CFAP20DC: variants seen among roughly 807,000 people sequenced by gnomAD.
The protein encoded by CFAP20DC is CFAP20 domain containing.
Under a neutral mutation model 101.7 loss-of-function variants are expected in CFAP20DC, and 84 were observed. That is an observed-to-expected ratio of 0.83 (90% confidence interval 0.69 to 0.99). The LOEUF is 0.99. Ranked by LOEUF, CFAP20DC falls within the 50% of genes least tolerant of loss-of-function variation. The pLI, the probability that CFAP20DC is intolerant of heterozygous loss-of-function variation, is 0.00. For synonymous variants in CFAP20DC, 359 were observed against 351.2 expected (o/e 1.02, Z -0.25); for missense variants, 1,007 against 970.3 (o/e 1.04, Z -0.50).
At chr3:59,025,059 T>C (rs1455287076) in intron 4 of CFAP20DC, among the ~76,000 whole-genome samples, 8 of 152,168 alleles carry the variant, frequency 5.3e-5, no homozygotes, top group Admixed American at 2.6e-4. Context: ...TGGAAGTCTA[T>C]CTGTTATATC....
intron 15 of CFAP20DC, among the ~76,000 whole-genome samples, chr3:58,773,113 T>C (rs1321622949): frequency 6.6e-6 from 1 of 152,002 alleles, no homozygotes; most frequent in Non-Finnish European, 1.5e-5. Context: ...CAAAATATCT[T>C]TATAAAGTAT....
At chr3:58,735,473 C>T (rs1229044096) in intron 3 of CFAP20DC, among the ~76,000 whole-genome samples, 1 of 152,348 alleles carries the variant, frequency 6.6e-6, no homozygotes, top group Non-Finnish European at 1.5e-5. Context: ...TCAAACGTCA[C>T]TGCTACCATG....
At chr3:58,891,611 A>G (rs1363373552) in intron 6 of CFAP20DC, among the ~76,000 whole-genome samples, 1 of 151,982 alleles carries the variant, frequency 6.6e-6, no homozygotes, top group Non-Finnish European at 1.5e-5. Flanking sequence ...GCTTCTTTTG[A>G]GAAGTGTCTG....
At chr3:58,890,409 G>A (rs1395886875) in intron 6 of CFAP20DC, among the ~76,000 whole-genome samples, 10 of 121,192 alleles carry the variant, frequency 8.3e-5, no homozygotes, top group African/African-American at 1.7e-4. Context: ...CTCACCTCCC[G>A]GACGGGGTGG....
At chr3:58,866,491 T>G (rs534792286) in intron 11 of CFAP20DC, 75 bp downstream of exon 11, 1 of 1,281,170 alleles carries the variant, frequency 7.8e-7, no homozygotes, top group East Asian at 2.6e-5. Context: ...CTTTTCAAAA[T>G]GACTGGATTT....
At chr3:58,908,428 T>C (rs1011315162) in intron 6 of CFAP20DC, among the ~76,000 whole-genome samples, 6 of 152,192 alleles carry the variant, frequency 3.9e-5, no homozygotes, top group South Asian at 2.1e-4. Flanking sequence ...TGTTTTACAT[T>C]ACTAAGATCA....
rs2067924758 is a variant in CFAP20DC, at chr3:58,742,447, C to T, written c.*13G>A. ...CAGCTGGGAGTGCCTGCTCTCTGCC[C>T]CGGAAGGAGGCATTATACCAACTCA... On this transcript the variant is annotated 3_prime_UTR_variant, in exon 17 of 17. Transcript: ENST00000482387. The T allele has an allele frequency of 6.3e-7, 1 of 1,584,924 alleles. No individual in the cohort carries two copies. Among genetic ancestry groups the T allele is most frequent in the African/African-American group, 1.4e-5 (1 of 74,022 alleles).
At chr3:58,805,404 T>C (rs1208756047) in intron 15 of CFAP20DC, among the ~76,000 whole-genome samples, 3 of 152,232 alleles carry the variant, frequency 2.0e-5, no homozygotes, top group East Asian at 1.9e-4. Context: ...GGTTCTAGAA[T>C]ACAGCCCCGT....
At chr3:58,775,332 A>G (rs1559573205) in intron 15 of CFAP20DC, among the ~76,000 whole-genome samples, 1 of 152,134 alleles carries the variant, frequency 6.6e-6, no homozygotes, top group Non-Finnish European at 1.5e-5. Flanking sequence ...GAGCAGAGGG[A>G]TCACTTTGAA....
At chr3:58,810,215 C>T (rs1461862286) in intron 14 of CFAP20DC, among the ~76,000 whole-genome samples, 1 of 152,094 alleles carries the variant, frequency 6.6e-6, no homozygotes, top group Non-Finnish European at 1.5e-5. Context: ...AGGCCAGCAT[C>T]ATCCTGATAC....
At chr3:58,952,955 T>A (rs2090284878) in intron 4 of CFAP20DC, among the ~76,000 whole-genome samples, 1 of 151,948 alleles carries the variant, frequency 6.6e-6, no homozygotes, top group Non-Finnish European at 1.5e-5. Flanking sequence ...AAAAACAAGG[T>A]CTCCAGCTTG....
chr3:58,849,523 A>G (rs938315048), intron 12 of CFAP20DC, 114 bp from the exon 13 acceptor site: 3 of 788,466 alleles, frequency 3.8e-6, no homozygotes, highest in Non-Finnish European at 3.8e-6. Context: ...AAAAGCATCT[A>G]TATATAGATT....
At chr3:58,941,934 C>T (rs910113310) in intron 4 of CFAP20DC, among the ~76,000 whole-genome samples, 3 of 152,158 alleles carry the variant, frequency 2.0e-5, no homozygotes, top group South Asian at 2.1e-4. Context: ...ACAATATATA[C>T]CCTTGCTTTA....
chr3:58,817,935 G>T (rs1311443796), intron 14 of CFAP20DC, among the ~76,000 whole-genome samples: 5 of 150,452 alleles, frequency 3.3e-5, no homozygotes, highest in African/African-American at 9.9e-5. Context: ...GACTAACAGC[G>T]GATCTCTCGG....
chr3:58,752,286 A>G, intron 16 of CFAP20DC, among the ~76,000 whole-genome samples: 1 of 152,128 alleles, frequency 6.6e-6, no homozygotes, highest in East Asian at 1.9e-4. Context: ...CAAGCATATA[A>G]GAAAAGGGCC....
chr3:58,871,527 TTTTC>T (rs1480847049), intron 7 of CFAP20DC, among the ~76,000 whole-genome samples: 1 of 151,046 alleles, frequency 6.6e-6, no homozygotes, highest in Non-Finnish European at 1.5e-5. Flanking sequence ...GAATTCCGAC[TTTTC>T]TTTTTTTTTT....
chr3:58,809,290 C>A (rs147300463), intron 14 of CFAP20DC, among the ~76,000 whole-genome samples: 19,810 of 151,220 alleles, frequency 0.13, 2,054 homozygotes, highest in East Asian at 0.35. Context: ...AAAATTGACC[C>A]CATACTGGGA....
intron 15 of CFAP20DC, among the ~76,000 whole-genome samples, chr3:58,792,114 T>C (rs767109915): frequency 1.3e-5 from 2 of 152,180 alleles, no homozygotes; most frequent in African/African-American, 4.8e-5. Context: ...ACCAAGAATA[T>C]AGACTATTCT....
intron 4 of CFAP20DC, among the ~76,000 whole-genome samples, chr3:58,975,083 C>T (rs2092196846): frequency 6.6e-6 from 1 of 152,208 alleles, no homozygotes; most frequent in Non-Finnish European, 1.5e-5. Flanking sequence ...GTGCCAGTCT[C>T]ACTCTCGCCA....
Sources: gnomAD v4.1 joint callset for allele counts (sites outside exome capture counted in the v4.1 genomes callset) on GRCh38, gnomAD v4.1.1 for gene constraint, MANE v1.5 for transcripts, NCBI Gene and HGNC (gene_info 2026-07-23, HGNC 2026-07-21) for gene names.